C12orf54: variants seen among roughly 807,000 people sequenced by gnomAD.
C12orf54 encodes uncharacterized protein C12orf54.
Under a neutral mutation model 26.4 loss-of-function variants are expected in C12orf54, and 24 were observed. The observed-to-expected ratio is 0.91, with a 90% CI of 0.66 to 1.28. The LOEUF (loss-of-function observed/expected upper bound fraction) is 1.28, where lower values mean the gene tolerates loss of function less well. C12orf54 is among the 50% of genes most tolerant of loss of function. The pLI is 0.00. For missense variants in C12orf54, 154 were observed against 150.9 expected, an observed-to-expected ratio of 1.02 and a Z score of -0.11; for synonymous variants, 54 against 47.0, an observed-to-expected ratio of 1.15 and a Z score of -0.61.
chr12:48,436,304 A>C, the C12orf54 span, among the ~76,000 whole-genome samples: 2 of 152,188 alleles, frequency 1.3e-5, no homozygotes, highest in African/African-American at 4.8e-5. Flanking sequence ...CCACACAATA[A>C]TAATGGGACA....
At chr12:48,473,143 G>T in the C12orf54 span, 1 of 1,597,298 alleles carries the variant, frequency 6.3e-7, no homozygotes, top group Admixed American at 1.7e-5. Context: ...AACTCGGATG[G>T]TGAGGGCTTT....
At chr12:48,465,112 T>C in the C12orf54 span, among the ~76,000 whole-genome samples, 1 of 152,070 alleles carries the variant, frequency 6.6e-6, no homozygotes, top group African/African-American at 2.4e-5. Flanking sequence ...AAAGAAACTA[T>C]CAACAGAGTA....
At chr12:48,478,828 A>G (rs1384991550), upstream of C12orf54, among the ~76,000 whole-genome samples, 2 of 152,200 alleles carry the variant, frequency 1.3e-5, no homozygotes, top group Non-Finnish European at 2.9e-5. Context: ...ACCATCTCAC[A>G]CCAGTTAGAA....
the C12orf54 span, among the ~76,000 whole-genome samples, chr12:48,459,048 C>A: frequency 6.6e-6 from 1 of 152,098 alleles, no homozygotes; most frequent in Admixed American, 6.6e-5. Flanking sequence ...GAATCATACA[C>A]TTTTTCTGCA....
At chr12:48,451,914 A>T in the C12orf54 span, among the ~76,000 whole-genome samples, 1 of 152,194 alleles carries the variant, frequency 6.6e-6, no homozygotes, top group African/African-American at 2.4e-5. Context: ...ACTGTCCAAA[A>T]TAATTTATAG....
At chr12:48,421,055 C>T in the C12orf54 span, among the ~76,000 whole-genome samples, 1 of 152,168 alleles carries the variant, frequency 6.6e-6, no homozygotes, top group African/African-American at 2.4e-5. Flanking sequence ...CCACAGGCAC[C>T]TCTTCTAAGA....
At chr12:48,474,609 G>A in the C12orf54 span, among the ~76,000 whole-genome samples, 67 of 152,364 alleles carry the variant, frequency 4.4e-4, no homozygotes, top group African/African-American at 9.9e-4. Flanking sequence ...CACATGGCTC[G>A]GAGGGTCCTA....
chr12:48,475,646 G>A, the C12orf54 span, among the ~76,000 whole-genome samples: 2 of 152,238 alleles, frequency 1.3e-5, no homozygotes, highest in Admixed American at 6.5e-5. Flanking sequence ...AAGGGTATCA[G>A]TGATGGAAGA....
chr12:48,465,331 A>G, the C12orf54 span, among the ~76,000 whole-genome samples: 7 of 152,242 alleles, frequency 4.6e-5, no homozygotes, highest in Non-Finnish European at 8.8e-5. Flanking sequence ...ATCACTGATC[A>G]TTAGAGAAAT....
the C12orf54 span, among the ~76,000 whole-genome samples, chr12:48,438,284 C>G: frequency 1.6e-4 from 25 of 152,340 alleles, no homozygotes; most frequent in Admixed American, 1.6e-3. Context: ...ACATTCCATG[C>G]TCATTGGTAG....
intron 5 of C12orf54, among the ~76,000 whole-genome samples, chr12:48,490,386 G>A (rs1355090201): frequency 6.6e-6 from 1 of 152,206 alleles, no homozygotes; most frequent in Non-Finnish European, 1.5e-5. Context: ...GGTGGCCAAA[G>A]TGGCTGGGTG....
the C12orf54 span, among the ~76,000 whole-genome samples, chr12:48,475,256 T>C: frequency 6.6e-6 from 1 of 151,750 alleles, no homozygotes; most frequent in African/African-American, 2.4e-5. Flanking sequence ...TATGTCACCA[T>C]CATCAAAGAA....
the C12orf54 span, among the ~76,000 whole-genome samples, chr12:48,450,380 C>T: frequency 6.6e-6 from 1 of 152,154 alleles, no homozygotes; most frequent in South Asian, 2.1e-4. Context: ...CATCAAAAAG[C>T]TAAAAAGATC....
At chr12:48,447,440 A>G in the C12orf54 span, among the ~76,000 whole-genome samples, 1 of 152,220 alleles carries the variant, frequency 6.6e-6, no homozygotes, top group African/African-American at 2.4e-5. Context: ...TCTCTTCTCA[A>G]TTCAAAATAA....
At chr12:48,471,107 C>T in the C12orf54 span, among the ~76,000 whole-genome samples, 4 of 152,028 alleles carry the variant, frequency 2.6e-5, no homozygotes, top group South Asian at 4.1e-4. Flanking sequence ...TCATCTCCCC[C>T]CAACAGCCCC....
At chr12:48,426,415 G>C in the C12orf54 span, among the ~76,000 whole-genome samples, 1 of 151,938 alleles carries the variant, frequency 6.6e-6, no homozygotes. Context: ...TTCTTTCTGG[G>C]TTCTCTATTC....
At chr12:48,436,474 C>T in the C12orf54 span, among the ~76,000 whole-genome samples, 1 of 152,156 alleles carries the variant, frequency 6.6e-6, no homozygotes, top group African/African-American at 2.4e-5. Context: ...CAGCACCACA[C>T]CACACCTATT....
chr12:48,417,355 C>T, the C12orf54 span: 9 of 152,212 alleles, frequency 5.9e-5, no homozygotes, highest in East Asian at 1.9e-4. Flanking sequence ...GAAAACTTTC[C>T]CTTGGAATAA....
At chr12:48,468,668 C>G in the C12orf54 span, among the ~76,000 whole-genome samples, 2 of 151,932 alleles carry the variant, frequency 1.3e-5, no homozygotes, top group Non-Finnish European at 2.9e-5. Flanking sequence ...ATTTTAGATA[C>G]AGGGGATACA....
Sources: gnomAD v4.1 joint callset for allele counts (sites outside exome capture counted in the v4.1 genomes callset) on GRCh38, gnomAD v4.1.1 for gene constraint, MANE v1.5 for transcripts, NCBI Gene and HGNC (gene_info 2026-07-23, HGNC 2026-07-21) for gene names.